The following KDM4C variants were observed in gnomAD, a reference collection of about 807,000 sequenced individuals.
KDM4C encodes the protein lysine-specific demethylase 4C.
Under a neutral mutation model 129.3 loss-of-function variants are expected in KDM4C, and 81 were observed. That is an observed-to-expected ratio of 0.63 (90% CI 0.52 to 0.75). The LOEUF (loss-of-function observed/expected upper bound fraction) is 0.75, where lower values mean the gene tolerates loss of function less well. Ranked by LOEUF, KDM4C falls within the 30% of genes least tolerant of loss-of-function variation. The probability of loss-of-function intolerance (pLI) is 0.00; values close to 1 mark genes in which losing one functional copy is unlikely to be tolerated. For missense variants in KDM4C, 1,457 were observed against 1,304.0 expected, an observed-to-expected ratio of 1.12 and a Z score of -1.81; for synonymous variants, 573 against 456.1, an observed-to-expected ratio of 1.26 and a Z score of -3.26.
chr9:7,164,143 A>G (rs1244646245), intron 19 of KDM4C, among the ~76,000 whole-genome samples: 3 of 152,178 alleles, frequency 2.0e-5, no homozygotes, highest in East Asian at 1.9e-4. Context: ...TTTCATTCAG[A>G]TTGTCCTCAT....
At chr9:6,847,180 T>G (rs913408035) in intron 4 of KDM4C, among the ~76,000 whole-genome samples, 2 of 152,228 alleles carry the variant, frequency 1.3e-5, no homozygotes, top group Admixed American at 1.3e-4. Context: ...TCATTCAGTT[T>G]AAAAATGGTT....
Position 6,853,934 on chromosome 9 carries a change from G to A in KDM4C, c.629+4234G>A, listed in dbSNP as rs150431979. ...TCTCTGTCTACTTAAGGGATATCTA[G>A]GAGGGTCCAGGTATATACTGTGTAT... On this transcript the variant is annotated intron_variant, in intron 5 of 21. Transcript: ENST00000381309. Among the ~76,000 whole-genome samples, 541 of 152,236 alleles carry A rather than the reference G, an allele frequency of 3.6e-3. 6 individuals are homozygous for A. Among genetic ancestry groups the A allele is most frequent in the African/African-American group, 0.012 (516 of 41,522 alleles).
chr9:7,018,112 C>T (rs910700557), intron 15 of KDM4C, among the ~76,000 whole-genome samples: 5 of 152,182 alleles, frequency 3.3e-5, no homozygotes, highest in Non-Finnish European at 5.9e-5. Flanking sequence ...GCAATTTTGT[C>T]ATTGTGTGAA....
At chr9:6,907,181 CAA>C (rs747457297) in intron 8 of KDM4C, among the ~76,000 whole-genome samples, 5 of 152,044 alleles carry the variant, frequency 3.3e-5, no homozygotes, top group Non-Finnish European at 7.4e-5. Flanking sequence ...TGTTATGTGA[CAA>C]AGAGTAGTTA....
intron 1 of KDM4C, among the ~76,000 whole-genome samples, chr9:6,764,590 G>C (rs1820237988): frequency 6.6e-6 from 1 of 152,046 alleles, no homozygotes; most frequent in Non-Finnish European, 1.5e-5. Context: ...TATTTTAAGA[G>C]TGTGAATGTT....
At chr9:6,974,090 C>G (rs1489410285) in intron 8 of KDM4C, among the ~76,000 whole-genome samples, 1 of 152,176 alleles carries the variant, frequency 6.6e-6, no homozygotes, top group Non-Finnish European at 1.5e-5. Flanking sequence ...CCCCCAGTTA[C>G]TATCCTTGTG....
intron 2 of KDM4C, among the ~76,000 whole-genome samples, chr9:6,801,569 G>C (rs570620295): frequency 6.6e-6 from 1 of 151,004 alleles, no homozygotes; most frequent in African/African-American, 2.4e-5. Context: ...AAGATTGGAG[G>C]GCAAGTTACA....
At chr9:6,860,574 C>T (rs1426771734) in intron 5 of KDM4C, among the ~76,000 whole-genome samples, 2 of 152,080 alleles carry the variant, frequency 1.3e-5, no homozygotes, top group East Asian at 3.9e-4. Context: ...ATGAGTTTAC[C>T]TGTATAACAA....
At chr9:6,930,512 T>C (rs1164458528) in intron 8 of KDM4C, among the ~76,000 whole-genome samples, 1 of 145,904 alleles carries the variant, frequency 6.9e-6, no homozygotes, top group African/African-American at 2.5e-5. Context: ...ATCATAAATA[T>C]GTACATATAT....
intron 1 of KDM4C, among the ~76,000 whole-genome samples, chr9:6,785,801 A>G (rs546816738): frequency 6.6e-6 from 1 of 152,332 alleles, no homozygotes; most frequent in African/African-American, 2.4e-5. Flanking sequence ...GGGGGACACA[A>G]GTCAATCCCT....
At chr9:7,024,337 T>A (rs1825418699) in intron 15 of KDM4C, among the ~76,000 whole-genome samples, 2 of 151,824 alleles carry the variant, frequency 1.3e-5, no homozygotes, top group Admixed American at 1.3e-4. Flanking sequence ...TTTGAATTTT[T>A]AAAATTATTA....
chr9:6,825,421 A>C (rs879730498), intron 4 of KDM4C, among the ~76,000 whole-genome samples: 1 of 152,222 alleles, frequency 6.6e-6, no homozygotes, highest in Admixed American at 6.5e-5. Flanking sequence ...TCTATTGCAC[A>C]TAGATGATGC....
At chr9:6,779,369 G>A (rs192480102) in intron 1 of KDM4C, among the ~76,000 whole-genome samples, 56 of 152,316 alleles carry the variant, frequency 3.7e-4, no homozygotes, top group African/African-American at 1.2e-3. Context: ...GCAGGGTAAG[G>A]AGAGAGTGGA....
chr9:6,954,537 C>T (rs13440172), intron 8 of KDM4C, among the ~76,000 whole-genome samples: 9,732 of 152,068 alleles, frequency 0.064, 898 homozygotes, highest in African/African-American at 0.2. Context: ...GCCTGGGGAC[C>T]AAGGAGAGGC....
chr9:6,725,458 G>A (rs1482243160), intron 1 of KDM4C, among the ~76,000 whole-genome samples: 1 of 151,984 alleles, frequency 6.6e-6, no homozygotes, highest in African/African-American at 2.4e-5. Context: ...CATCTTCTCT[G>A]TCGTATGTCA....
chr9:7,074,402 A>G lies in KDM4C; in HGVS notation c.2424+25202A>G, dbSNP rs1202522507. Among the ~76,000 whole-genome samples the G allele has an allele frequency of 2.0e-5, 3 of 151,962 alleles. 1 individual carries two copies. The highest frequency in any genetic ancestry group is 1.3e-4 in the Admixed American group (2 of 15,242). ...GGGTGATCTCGAACTCCTGACCTCA[A>G]ATGATCCACCCACCTTGGTCTGCCA... On this transcript the variant is annotated intron_variant, in intron 17 of 21. Transcript: ENST00000381309.
intron 17 of KDM4C, among the ~76,000 whole-genome samples, chr9:7,051,869 C>T (rs1830196062): frequency 6.6e-6 from 1 of 152,150 alleles, no homozygotes; most frequent in Non-Finnish European, 1.5e-5. Context: ...GTTCTGTCAA[C>T]CTTGGCATTA....
intron 1 of KDM4C, among the ~76,000 whole-genome samples, chr9:6,780,788 A>AAT (rs1824176369): frequency 6.6e-6 from 1 of 150,770 alleles, no homozygotes; most frequent in African/African-American, 2.4e-5. Context: ...AAAAAAAAAA[A>AAT]AAAAAAGCGA....
chr9:6,988,363 T>C (rs754081824), intron 11 of KDM4C, among the ~76,000 whole-genome samples: 2 of 152,086 alleles, frequency 1.3e-5, no homozygotes, highest in African/African-American at 2.4e-5. Flanking sequence ...AAGGTGATTA[T>C]AGATCTAGTG....
Sources: allele counts gnomAD v4.1 joint callset (sites outside exome capture counted in the v4.1 genomes callset), GRCh38; gene constraint gnomAD v4.1.1; transcripts MANE v1.5; gene names NCBI Gene and HGNC (gene_info 2026-07-23, HGNC 2026-07-21).